MMAA: variants seen among roughly 807,000 people sequenced by gnomAD.
MMAA encodes metabolism of cobalamin associated A, also known as methylmalonic aciduria type A protein, mitochondrial.
In MMAA, 41 loss-of-function variants were observed where a neutral mutation model predicts 45.0. The ratio of observed to expected loss-of-function variants is 0.91; its 90% CI spans 0.71 to 1.18. The LOEUF is 1.18. Among genes scored for constraint, MMAA ranks in the 50% most tolerant of loss-of-function variants. The pLI is 0.00. For synonymous variants in MMAA, 154 were observed against 178.2 expected (o/e 0.86, Z 1.08); for missense variants, 460 against 495.7 (o/e 0.93, Z 0.68).
intron 1 of MMAA, among the ~76,000 whole-genome samples, chr4:145,630,706 C>T (rs961756341): frequency 6.6e-6 from 1 of 151,964 alleles, no homozygotes; most frequent in Non-Finnish European, 1.5e-5. Flanking sequence ...CCAGCCTGGG[C>T]AACAAGAGCA....
intron 2 of MMAA, chr4:145,639,833 C>A: frequency 1.0e-6 from 1 of 984,044 alleles, no homozygotes; most frequent in Non-Finnish European, 1.2e-6. Flanking sequence ...TGCTCTGGAT[C>A]CCAGGACAGA....
chr4:145,625,580 G>A, intron 1 of MMAA: 2 of 772,262 alleles, frequency 2.6e-6, no homozygotes, highest in Non-Finnish European at 2.4e-6. Context: ...ACCTAAATAT[G>A]GTGATGGTCT....
chr4:145,633,444 C>G (rs186186003), intron 1 of MMAA, among the ~76,000 whole-genome samples: 88 of 151,302 alleles, frequency 5.8e-4, no homozygotes, highest in African/African-American at 1.9e-3. Context: ...GTGATCTGCC[C>G]AGCTCGGCCT....
Position 145,641,880 on chromosome 4 carries a change from T to G in MMAA, c.440-483T>G, listed in dbSNP as rs181465872. Among the ~76,000 whole-genome samples the G allele has an allele frequency of 2.0e-3, 302 of 152,226 alleles. No homozygotes were observed. In the Middle Eastern group the frequency reaches 0.02, roughly 10 times the overall value. ...CAGTTTATATTCTTTGAGTTATGAG[T>G]GAGATGAAGAAAAAAGATGATCCCT... On this transcript the variant is annotated intron_variant, in intron 2 of 6. Transcript: ENST00000649156.
Position 145,644,304 on chromosome 4 carries a change from A to T in MMAA, c.563-1682A>T, listed in dbSNP as rs567335591. 1.6e-4 allele frequency among the ~76,000 whole-genome samples: 24 copies of T among 152,348 alleles called. No individual in the cohort carries two copies. The East Asian group carries it at 4.4e-3, about 28-fold the overall frequency. On this transcript the variant is annotated intron_variant, in intron 3 of 6. Transcript: ENST00000649156. ...ACACAGAGATTATTTCATGCAGAAA[A>T]TTACCTTAGAAAAAGGTTGTATGTG...
intron 1 of MMAA, chr4:145,624,062 G>C (rs1350506123): frequency 2.5e-6 from 2 of 807,780 alleles, no homozygotes; most frequent in East Asian, 2.4e-5. Flanking sequence ...AAGCTAACTG[G>C]TCAGACCCAG....
intron 1 of MMAA, among the ~76,000 whole-genome samples, chr4:145,626,433 A>G (rs1734207269): frequency 6.6e-6 from 1 of 152,230 alleles, no homozygotes; most frequent in Non-Finnish European, 1.5e-5. Flanking sequence ...TTGTCCGTGG[A>G]GCAAAAAACA....
Position 145,625,765 on chromosome 4 carries a change from G to A in MMAA, c.-66+6358G>A, listed in dbSNP as rs373172297. On this transcript the variant is annotated intron_variant, in intron 1 of 6. Transcript: ENST00000649156. The stretch of plus-strand genomic sequence containing the variant: ...AACTGGCCTGATAACCAGTAGAGCT[G>A]CTGAGCCTGCTGTTGAATTGTCTCC... The A allele has an allele frequency of 3.2e-6, 4 of 1,250,068 alleles. No homozygotes were observed. The East Asian group carries it at 9.3e-5, about 29-fold the overall frequency. The allele number at this position is 1,250,068 out of a possible 1,614,324, so 77.4% of individuals were successfully genotyped here.
Position 145,655,485 on chromosome 4 carries a change from A to G in MMAA, c.*51A>G. 1 of 1,492,526 alleles carries G rather than the reference A, an allele frequency of 6.7e-7. No homozygotes were observed. Among genetic ancestry groups the G allele is most frequent in the Non-Finnish European group, 9.2e-7 (1 of 1,092,742 alleles). The allele number at this position is 1,492,526 out of a possible 1,614,324, so 92.5% of individuals were successfully genotyped here. A position where few individuals can be genotyped will look rare whatever the true frequency, so the allele number is the denominator to read the frequency against. On this transcript the variant is annotated 3_prime_UTR_variant, in exon 7 of 7. Coordinates refer to ENST00000649156, the MANE Select transcript of MMAA (RefSeq NM_172250.3). The stretch of plus-strand genomic sequence containing the variant: ...TACATATCATTTCATAAAGTATTTT[A>G]ATAGAAAAATCACTTGTATGCTTAT...
intron 1 of MMAA, among the ~76,000 whole-genome samples, chr4:145,627,844 T>C (rs565275083): frequency 6.6e-6 from 1 of 152,304 alleles, no homozygotes; most frequent in Admixed American, 6.5e-5. Context: ...CTCATATATA[T>C]CATGTTATTT....
At chr4:145,639,993 G>A in intron 2 of MMAA, 1 of 269,970 alleles carries the variant, frequency 3.7e-6, no homozygotes, top group Non-Finnish European at 5.7e-6. Flanking sequence ...TATTTCATTA[G>A]TCTTTCTATA....
intron 1 of MMAA, among the ~76,000 whole-genome samples, chr4:145,638,368 C>CA (rs200582615): frequency 0.05 from 7,411 of 147,022 alleles, 268 homozygotes; most frequent in South Asian, 0.15. Context: ...GACTCCGTCT[C>CA]AAAAAAAAAA....
intron 1 of MMAA, among the ~76,000 whole-genome samples, chr4:145,637,812 A>G (rs1015079101): frequency 1.3e-5 from 2 of 152,234 alleles, no homozygotes; most frequent in African/African-American, 2.4e-5. Context: ...CTCTTACTGC[A>G]TGGTAGACAC....
At chr4:145,640,233 C>T (rs1727742179) in intron 2 of MMAA, among the ~76,000 whole-genome samples, 1 of 152,014 alleles carries the variant, frequency 6.6e-6, no homozygotes, top group Non-Finnish European at 1.5e-5. Flanking sequence ...CTGCCTCAGC[C>T]TCCCGAGTAG....
chr4:145,644,475 A>C (rs761845776), intron 3 of MMAA, among the ~76,000 whole-genome samples: 10 of 152,220 alleles, frequency 6.6e-5, no homozygotes, highest in Admixed American at 3.3e-4. Context: ...AGATATGTGG[A>C]AACATTATGT....
intron 3 of MMAA, among the ~76,000 whole-genome samples, chr4:145,645,074 C>G (rs188586918): frequency 1.3e-5 from 2 of 152,318 alleles, no homozygotes; most frequent in Non-Finnish European, 2.9e-5. Flanking sequence ...TCCAAATTTT[C>G]TAAGTAGTAG....
intron 5 of MMAA, among the ~76,000 whole-genome samples, chr4:145,653,454 G>A (rs1180184336): frequency 2.6e-5 from 4 of 151,802 alleles, no homozygotes; most frequent in Non-Finnish European, 5.9e-5. Flanking sequence ...GCTGAAATAA[G>A]AAAAATACAA....
At chr4:145,633,412 G>A (rs1157530478) in intron 1 of MMAA, among the ~76,000 whole-genome samples, 1 of 151,572 alleles carries the variant, frequency 6.6e-6, no homozygotes, top group East Asian at 2.0e-4. Flanking sequence ...TGGCCAGGCT[G>A]GTCTCAAACT....
intron 1 of MMAA, among the ~76,000 whole-genome samples, chr4:145,633,223 G>A (rs1253901713): frequency 1.2e-4 from 10 of 85,390 alleles, no homozygotes; most frequent in African/African-American, 5.3e-4. Context: ...TTTTTGAGAT[G>A]GAGTTTGTTC....
Sources: gnomAD v4.1 joint callset for allele counts (sites outside exome capture counted in the v4.1 genomes callset) on GRCh38, gnomAD v4.1.1 for gene constraint, MANE v1.5 for transcripts, NCBI Gene and HGNC (gene_info 2026-07-23, HGNC 2026-07-21) for gene names.